Variants in CACNA2D3 observed in about 807,000 individuals in gnomAD.
The protein encoded by CACNA2D3 is calcium voltage-gated channel auxiliary subunit alpha2delta 3.
Under a neutral mutation model 160.6 loss-of-function variants are expected in CACNA2D3, and 60 were observed. That is an observed-to-expected ratio of 0.37 (90% CI 0.30 to 0.46). The LOEUF (loss-of-function observed/expected upper bound fraction) is 0.46. Among genes scored for constraint, CACNA2D3 ranks in the 20% least tolerant of loss-of-function variants. The probability of loss-of-function intolerance (pLI) is 1.00; values close to 1 mark genes in which losing one functional copy is unlikely to be tolerated. For missense variants in CACNA2D3, 1,205 were observed against 1,365.0 expected (o/e 0.88, Z 1.85); for synonymous variants, 558 against 492.9 (o/e 1.13, Z -1.75).
chr3:54,766,701 A>G (rs1332310642), intron 13 of CACNA2D3, among the ~76,000 whole-genome samples: 4 of 152,152 alleles, frequency 2.6e-5, no homozygotes, highest in African/African-American at 9.7e-5. Flanking sequence ...AAATGCCCAA[A>G]CATAAGAGAT....
In CACNA2D3 at chr3:54,874,323, T is replaced by G. The variant is rs80263574; in HGVS notation, c.1710+2701T>G. Among the ~76,000 whole-genome samples, 1,046 of 152,270 alleles carry G rather than the reference T, an allele frequency of 6.9e-3. 9 individuals are homozygous for G. The highest frequency in any genetic ancestry group is 0.024 in the African/African-American group (998 of 41,526). ...GTAGGGCAGATCTTTGGCGGACCCG[T>G]GTGCCAGCAGGGGATTTTGAGACAT... On this transcript the variant is annotated intron_variant, in intron 18 of 37. Transcript: ENST00000474759.
Position 54,239,026 on chromosome 3 carries a change from A to G in CACNA2D3, c.205-81416A>G, listed in dbSNP as rs116761873. Among the ~76,000 whole-genome samples, 274 of 152,386 alleles carry G rather than the reference A, an allele frequency of 1.8e-3. 2 individuals are homozygous for G. The highest frequency in any genetic ancestry group is 6.2e-3 in the African/African-American group (259 of 41,600). The stretch of plus-strand genomic sequence containing the variant: ...CTGTGGAAGCGATGTCCATAAATGT[A>G]TCAGTCATTCTTCCTAATGATTGTC... On this transcript the variant is annotated intron_variant, in intron 2 of 37. Coordinates refer to ENST00000474759, the MANE Select transcript of CACNA2D3 (RefSeq NM_018398.3).
chr3:54,620,314 A>C (rs1698957393), intron 9 of CACNA2D3, among the ~76,000 whole-genome samples: 2 of 152,098 alleles, frequency 1.3e-5, no homozygotes, highest in Admixed American at 6.5e-5. Context: ...CTTAATTTTA[A>C]TTTTCCAGTG....
chr3:54,833,706 A>G (rs1703928152), intron 14 of CACNA2D3, among the ~76,000 whole-genome samples: 1 of 152,174 alleles, frequency 6.6e-6, no homozygotes, highest in African/African-American at 2.4e-5. Flanking sequence ...GTGTTTCTCC[A>G]TGAAACGTTT....
chr3:54,347,453 T>G (rs1229815469), intron 3 of CACNA2D3, among the ~76,000 whole-genome samples: 1 of 152,244 alleles, frequency 6.6e-6, no homozygotes, highest in Non-Finnish European at 1.5e-5. Flanking sequence ...GCCTTATTAA[T>G]AAGTTCTTTA....
Position 54,833,372 on chromosome 3 carries a change from A to T in CACNA2D3, c.1399-3787A>T, listed in dbSNP as rs561641118. ...GATTTTGCCCAGATGGACCATGGTG[A>T]CCCCCACCTCCTGCTCCTACCCCTT... On this transcript the variant is annotated intron_variant, in intron 14 of 37. Coordinates refer to ENST00000474759, the MANE Select transcript of CACNA2D3 (RefSeq NM_018398.3). Among the ~76,000 whole-genome samples the T allele has an allele frequency of 5.9e-5, 9 of 152,078 alleles. No individual in the cohort carries two copies. The South Asian group carries it at 6.2e-4, about 11-fold the overall frequency.
intron 2 of CACNA2D3, among the ~76,000 whole-genome samples, chr3:54,256,400 A>G (rs1215827386): frequency 6.6e-6 from 1 of 152,186 alleles, no homozygotes; most frequent in East Asian, 1.9e-4. Context: ...TGCAACCTTC[A>G]GGCATAAATG....
chr3:54,376,587 C>T (rs570133963), intron 3 of CACNA2D3, among the ~76,000 whole-genome samples: 12 of 152,210 alleles, frequency 7.9e-5, no homozygotes, highest in East Asian at 5.8e-4. Flanking sequence ...TTGTAGCCCA[C>T]GCCACATTAT....
intron 4 of CACNA2D3, among the ~76,000 whole-genome samples, chr3:54,467,774 A>G (rs955887956): frequency 1.3e-5 from 2 of 152,190 alleles, no homozygotes; most frequent in Non-Finnish European, 2.9e-5. Context: ...GGTACGAACT[A>G]CAGTTAGGAA....
intron 2 of CACNA2D3, among the ~76,000 whole-genome samples, chr3:54,276,233 A>G (rs1702736127): frequency 1.3e-5 from 2 of 152,120 alleles, no homozygotes; most frequent in African/African-American, 2.4e-5. Context: ...CACTGGAAAG[A>G]TGAAGATGGG....
At chr3:54,778,027 A>G (rs1702456348) in intron 13 of CACNA2D3, among the ~76,000 whole-genome samples, 1 of 152,218 alleles carries the variant, frequency 6.6e-6, no homozygotes, top group South Asian at 2.1e-4. Context: ...GGGAGCCTAA[A>G]TTCAGAGCAT....
chr3:54,134,196 T>C (rs942121591), intron 2 of CACNA2D3, among the ~76,000 whole-genome samples: 28 of 152,190 alleles, frequency 1.8e-4, no homozygotes, highest in Admixed American at 7.2e-4. Flanking sequence ...GGAGTGAGTC[T>C]TGTTGCAGGG....
At chr3:55,015,331 T>A (rs1703305598) in intron 34 of CACNA2D3, among the ~76,000 whole-genome samples, 1 of 152,218 alleles carries the variant, frequency 6.6e-6, no homozygotes, top group African/African-American at 2.4e-5. Flanking sequence ...CTCATTCTTT[T>A]TCCTCCATTC....
intron 14 of CACNA2D3, among the ~76,000 whole-genome samples, chr3:54,831,462 G>A (rs934635051): frequency 1.3e-5 from 2 of 152,198 alleles, no homozygotes; most frequent in Admixed American, 6.5e-5. Flanking sequence ...TTCAAAGGTG[G>A]AGGCTGCCCA....
chr3:54,939,028 G>A (rs1194485709), intron 27 of CACNA2D3, among the ~76,000 whole-genome samples: 2 of 152,206 alleles, frequency 1.3e-5, no homozygotes, highest in Non-Finnish European at 2.9e-5. Context: ...AGGAAACTGT[G>A]ATGCTACCTC....
chr3:54,954,505 G>T (rs986967168), intron 27 of CACNA2D3, among the ~76,000 whole-genome samples: 1 of 152,220 alleles, frequency 6.6e-6, no homozygotes, highest in Non-Finnish European at 1.5e-5. Context: ...AGACATCAGG[G>T]TGCATATCTT....
intron 27 of CACNA2D3, among the ~76,000 whole-genome samples, chr3:54,965,924 G>C (rs1254640513): frequency 6.6e-6 from 1 of 152,150 alleles, no homozygotes; most frequent in Non-Finnish European, 1.5e-5. Flanking sequence ...CAGCCTGCTG[G>C]AGGGAGATCA....
intron 9 of CACNA2D3, among the ~76,000 whole-genome samples, chr3:54,590,639 G>A (rs1702841079): frequency 6.6e-6 from 1 of 151,698 alleles, no homozygotes; most frequent in African/African-American, 2.4e-5. Context: ...AAGACACGGG[G>A]TCTTGCTGTG....
chr3:55,019,463 C>A (rs1703400722), intron 35 of CACNA2D3, among the ~76,000 whole-genome samples: 1 of 151,936 alleles, frequency 6.6e-6, no homozygotes, highest in African/African-American at 2.4e-5. Context: ...CTTTTCTATG[C>A]CTTTTAATAC....
Sources: allele counts gnomAD v4.1 joint callset (sites outside exome capture counted in the v4.1 genomes callset), GRCh38; gene constraint gnomAD v4.1.1; transcripts MANE v1.5; gene names NCBI Gene and HGNC (gene_info 2026-07-23, HGNC 2026-07-21).